The following NIPBL variants were observed in gnomAD, a reference collection of about 807,000 sequenced individuals.
The protein encoded by NIPBL is nipped-B-like protein.
In NIPBL, 19 loss-of-function variants were observed where a neutral mutation model predicts 321.8. The ratio of observed to expected loss-of-function variants is 0.06; its 90% CI spans 0.04 to 0.09. The LOEUF is 0.09. Ranked by LOEUF, NIPBL falls within the 10% of genes least tolerant of loss-of-function variation. NIPBL has a pLI of 1.00. For missense variants in NIPBL, 2,210 were observed against 3,327.0 expected, an observed-to-expected ratio of 0.66 and a Z score of 8.26; for synonymous variants, 1,106 against 1,114.1, an observed-to-expected ratio of 0.99 and a Z score of 0.14.
At chr5:37,026,857 G>A (rs1416483487) in intron 31 of NIPBL, among the ~76,000 whole-genome samples, 2 of 151,288 alleles carry the variant, frequency 1.3e-5, no homozygotes, top group African/African-American at 2.4e-5. Flanking sequence ...CTGTAATCAT[G>A]CCTGTGAATA....
At chr5:37,036,093 C>T (rs535603593) in intron 32 of NIPBL, among the ~76,000 whole-genome samples, 163 of 151,990 alleles carry the variant, frequency 1.1e-3, no homozygotes, top group Middle Eastern at 3.4e-3. Flanking sequence ...ACATCTTTCA[C>T]GTATTACCTT....
At chr5:36,907,183 C>G (rs1747703637) in intron 1 of NIPBL, among the ~76,000 whole-genome samples, 1 of 152,136 alleles carries the variant, frequency 6.6e-6, no homozygotes, top group Non-Finnish European at 1.5e-5. Context: ...TTCTAACAAA[C>G]CCAAAGGTGA....
chr5:36,943,838 G>T (rs1361897503), intron 1 of NIPBL, among the ~76,000 whole-genome samples: 1 of 152,118 alleles, frequency 6.6e-6, no homozygotes, highest in Non-Finnish European at 1.5e-5. Flanking sequence ...GGAAGACAAA[G>T]AATTATTCAA....
At chr5:37,060,169 AT>A (rs1754517942) in intron 44 of NIPBL, among the ~76,000 whole-genome samples, 1 of 152,146 alleles carries the variant, frequency 6.6e-6, no homozygotes, top group Non-Finnish European at 1.5e-5. Flanking sequence ...AGAAATCCAG[AT>A]TTTTAAGAGG....
chr5:36,934,944 A>G (rs1372866171), intron 1 of NIPBL, among the ~76,000 whole-genome samples: 2 of 152,154 alleles, frequency 1.3e-5, no homozygotes, highest in Admixed American at 1.3e-4. Context: ...AGAAGGACTC[A>G]CACTCACCAT....
intron 6 of NIPBL, among the ~76,000 whole-genome samples, chr5:36,963,991 A>C (rs1741922261): frequency 6.6e-6 from 1 of 152,182 alleles, no homozygotes; most frequent in Admixed American, 6.5e-5. Context: ...GTAAAACAGA[A>C]TGTAAATTTT....
chr5:36,902,902 T>G (rs1234859321), intron 1 of NIPBL, among the ~76,000 whole-genome samples: 2 of 152,232 alleles, frequency 1.3e-5, no homozygotes, highest in African/African-American at 2.4e-5. Context: ...TCCATGATCA[T>G]GGAATGTTTT....
At chr5:36,917,969 C>G (rs1204050301) in intron 1 of NIPBL, among the ~76,000 whole-genome samples, 1 of 152,152 alleles carries the variant, frequency 6.6e-6, no homozygotes, top group Non-Finnish European at 1.5e-5. Flanking sequence ...ATGCCTCCAG[C>G]TTTGTTCTTT....
chr5:36,898,399 A>G (rs1277751692), intron 1 of NIPBL, among the ~76,000 whole-genome samples: 1 of 152,194 alleles, frequency 6.6e-6, no homozygotes, highest in Admixed American at 6.5e-5. Context: ...GAAGAAACCC[A>G]TGAGATAGAT....
At chr5:36,916,511 T>A (rs543939451) in intron 1 of NIPBL, among the ~76,000 whole-genome samples, 47 of 152,316 alleles carry the variant, frequency 3.1e-4, no homozygotes, top group African/African-American at 8.2e-4. Context: ...ACATTTTTTT[T>A]AAATTATACT....
intron 1 of NIPBL, among the ~76,000 whole-genome samples, chr5:36,897,659 G>A (rs575620402): frequency 2.6e-5 from 4 of 152,298 alleles, no homozygotes; most frequent in African/African-American, 9.6e-5. Flanking sequence ...TGCTCTGGCT[G>A]TAACATAGGA....
chr5:36,976,304 A>G lies in NIPBL; in HGVS notation c.1397A>G (p.Tyr466Cys), dbSNP rs781150294. ...CAGATATCACAACAGGGACCTATAT[A>G]TGATGAAGTGGAATTGGATGCATTG... ...QQQISQQGPI[Y>C]DEVELDALAE... is the part of the protein sequence containing the mutation. The change falls in exon 9 of 47, where the codon TAT becomes TGT. Residue 466 changes from tyrosine to cysteine, a missense_variant. By Grantham distance (194) the Tyr-to-Cys change is radical (BLOSUM62 -2). Transcript: ENST00000282516. The G allele has an allele frequency of 6.2e-7, 1 of 1,613,672 alleles. No homozygotes were observed. The highest frequency in any genetic ancestry group is 8.5e-7 in the Non-Finnish European group (1 of 1,179,848).
intron 1 of NIPBL, among the ~76,000 whole-genome samples, chr5:36,908,285 TAAAA>T (rs1198408104): frequency 1.3e-5 from 2 of 152,138 alleles, no homozygotes; most frequent in African/African-American, 2.4e-5. Flanking sequence ...CTTCTTAACT[TAAAA>T]AAAGCAAATA....
intron 34 of NIPBL, among the ~76,000 whole-genome samples, chr5:37,040,058 A>T (rs1752160469): frequency 1.3e-5 from 2 of 152,106 alleles, no homozygotes; most frequent in Admixed American, 1.3e-4. Flanking sequence ...GAATATAAAT[A>T]ACTGGCCCAA....
chr5:36,964,269 C>CA (rs960250227), intron 6 of NIPBL, among the ~76,000 whole-genome samples: 2 of 151,706 alleles, frequency 1.3e-5, no homozygotes, highest in African/African-American at 2.4e-5. Context: ...TATATGGAAC[C>CA]AAAAAAGACC....
At chr5:36,967,085 A>AAATGGG (rs1228097866) in intron 6 of NIPBL, among the ~76,000 whole-genome samples, 1 of 152,112 alleles carries the variant, frequency 6.6e-6, no homozygotes, top group Non-Finnish European at 1.5e-5. Context: ...TAATATACCG[A>AAATGGG]AATCTCATAC....
At chr5:36,997,030 A>G (rs959222635) in intron 11 of NIPBL, 1 of 152,400 alleles carries the variant, frequency 6.6e-6, no homozygotes, top group Non-Finnish European at 1.5e-5. Flanking sequence ...AATTGTTATA[A>G]TTGTATTATG....
intron 1 of NIPBL, among the ~76,000 whole-genome samples, chr5:36,899,024 G>C (rs997676481): frequency 2.6e-5 from 4 of 152,264 alleles, no homozygotes; most frequent in African/African-American, 2.4e-5. Context: ...AAACTCTCAA[G>C]TGTTTGCTTT....
intron 34 of NIPBL, among the ~76,000 whole-genome samples, chr5:37,039,517 T>G (rs892081104): frequency 6.6e-6 from 1 of 152,070 alleles, no homozygotes; most frequent in Non-Finnish European, 1.5e-5. Flanking sequence ...ATGTATAATG[T>G]CATTTGCTTT....
Sources: allele counts gnomAD v4.1 joint callset (sites outside exome capture counted in the v4.1 genomes callset), GRCh38; gene constraint gnomAD v4.1.1; transcripts MANE v1.5; gene names NCBI Gene and HGNC (gene_info 2026-07-23, HGNC 2026-07-21).